Variants in ZNF385D observed in about 807,000 individuals in gnomAD.
ZNF385D encodes zinc finger protein 385D.
In ZNF385D, 15 loss-of-function variants were observed where a neutral mutation model predicts 35.8. The observed-to-expected ratio is 0.42, with a 90% CI of 0.28 to 0.64. The LOEUF (loss-of-function observed/expected upper bound fraction) is 0.64. ZNF385D is among the 30% of genes least tolerant of loss of function. The pLI is 0.23. For missense variants in ZNF385D, 474 were observed against 494.6 expected (o/e 0.96, Z 0.39); for synonymous variants, 212 against 186.8 (o/e 1.13, Z -1.10).
At chr3:21,509,016 C>T (rs560137457) in intron 4 of ZNF385D, among the ~76,000 whole-genome samples, 1 of 146,826 alleles carries the variant, frequency 6.8e-6, no homozygotes, top group African/African-American at 2.5e-5. Flanking sequence ...CTCGCTCTAT[C>T]GCCCAGGCTG....
Position 22,230,277 on chromosome 3 carries a change from T to G in ZNF385D, c.107-61242A>C, listed in dbSNP as rs527370611. 2.0e-5 allele frequency among the ~76,000 whole-genome samples: 3 copies of G among 152,308 alleles called. No homozygotes were observed. The East Asian group carries it at 5.8e-4, about 29-fold the overall frequency. On this transcript the variant is annotated intron_variant, in intron 2 of 5. Transcript: ENST00000494108. ...ATTCTGTATAATGATATTTTACAAT[T>G]GGATTTATCCTATAAAAAAAGAAGG...
chr3:21,667,702 GTCC>G (rs2066448846), intron 1 of ZNF385D, among the ~76,000 whole-genome samples: 1 of 152,170 alleles, frequency 6.6e-6, no homozygotes, highest in African/African-American at 2.4e-5. Flanking sequence ...TTTATTTTAA[GTCC>G]TCCTCTGGTT....
chr3:22,162,006 A>C (rs11129048), intron 3 of ZNF385D, among the ~76,000 whole-genome samples: 86,809 of 151,918 alleles, frequency 0.57, 24,908 homozygotes, highest in Non-Finnish European at 0.59. Flanking sequence ...AGAGGTAATA[A>C]GACTTTGTAA....
At chr3:21,935,688 T>C (rs1455403781) in intron 3 of ZNF385D, among the ~76,000 whole-genome samples, 2 of 152,106 alleles carry the variant, frequency 1.3e-5, no homozygotes, top group Non-Finnish European at 2.9e-5. Context: ...GAAGACTATA[T>C]AGGCAGACTC....
intron 3 of ZNF385D, among the ~76,000 whole-genome samples, chr3:21,558,148 T>C (rs888748814): frequency 2.6e-5 from 4 of 151,040 alleles, no homozygotes; most frequent in African/African-American, 7.3e-5. Context: ...TTCATGTCTC[T>C]ATCTCCTTCA....
At chr3:22,101,287 T>C (rs1162649685) in intron 3 of ZNF385D, among the ~76,000 whole-genome samples, 1 of 152,044 alleles carries the variant, frequency 6.6e-6, no homozygotes, top group African/African-American at 2.4e-5. Context: ...TAAAGGGCTA[T>C]AAGTAAATAT....
intron 3 of ZNF385D, among the ~76,000 whole-genome samples, chr3:21,766,632 A>C (rs945879431): frequency 2.6e-5 from 4 of 152,162 alleles, no homozygotes; most frequent in Non-Finnish European, 5.9e-5. Flanking sequence ...CCAGTATTCA[A>C]GGCCCACTAT....
chr3:22,163,987 C>G (rs1025932720), intron 3 of ZNF385D, among the ~76,000 whole-genome samples: 6 of 152,060 alleles, frequency 3.9e-5, no homozygotes, highest in Non-Finnish European at 8.8e-5. Flanking sequence ...AACAAATGAC[C>G]ACTAATAACT....
chr3:22,219,492 A>C (rs1354287910), intron 2 of ZNF385D, among the ~76,000 whole-genome samples: 1 of 152,152 alleles, frequency 6.6e-6, no homozygotes, highest in Non-Finnish European at 1.5e-5. Flanking sequence ...TCATGCTAGA[A>C]TTTAATAAAG....
intron 3 of ZNF385D, among the ~76,000 whole-genome samples, chr3:21,817,207 G>A (rs559772686): frequency 6.6e-6 from 1 of 152,150 alleles, no homozygotes; most frequent in Non-Finnish European, 1.5e-5. Context: ...AGACTTAAAT[G>A]TTAGATGTAA....
intron 3 of ZNF385D, among the ~76,000 whole-genome samples, chr3:21,801,596 C>T (rs906477109): frequency 2.0e-5 from 3 of 152,264 alleles, no homozygotes; most frequent in South Asian, 4.1e-4. Flanking sequence ...AAAACGTTCA[C>T]ATTCTTAATC....
At chr3:21,446,486 A>G (rs1372433494) in intron 4 of ZNF385D, among the ~76,000 whole-genome samples, 1 of 78,628 alleles carries the variant, frequency 1.3e-5, no homozygotes, top group Non-Finnish European at 2.5e-5. Flanking sequence ...TAATCAATGA[A>G]CTTTTTTTTT....
intron 3 of ZNF385D, among the ~76,000 whole-genome samples, chr3:22,158,115 T>C (rs995392618): frequency 2.0e-5 from 3 of 152,164 alleles, no homozygotes; most frequent in African/African-American, 7.2e-5. Flanking sequence ...TCTCCTATCC[T>C]TGATCTCATC....
At chr3:21,541,535 G>C (rs955567365) in intron 3 of ZNF385D, among the ~76,000 whole-genome samples, 3 of 152,078 alleles carry the variant, frequency 2.0e-5, no homozygotes, top group African/African-American at 7.2e-5. Context: ...GGAAGGATAC[G>C]AATGGCCACA....
intron 3 of ZNF385D, among the ~76,000 whole-genome samples, chr3:21,767,712 T>C (rs1174341868): frequency 5.3e-5 from 8 of 151,628 alleles, no homozygotes; most frequent in Non-Finnish European, 7.4e-5. Context: ...GTAGAGAGGA[T>C]TGAGAGAGAA....
At position 22,123,974 on chromosome 3, in the gene ZNF385D, A is replaced by C. The variant is rs1447967654; in HGVS notation, c.325+44843T>G. 6.1e-3 allele frequency among the ~76,000 whole-genome samples: 839 copies of C among 137,924 alleles called. 11 individuals are homozygous for C. Among genetic ancestry groups the C allele is most frequent in the Admixed American group, 0.034 (458 of 13,338 alleles). 90.5% of individuals were successfully genotyped at this position (137,924 alleles called of 152,430 possible). A position where few individuals can be genotyped will look rare whatever the true frequency, so the allele number is the denominator to read the frequency against. On this transcript the variant is annotated intron_variant, in intron 3 of 5. Transcript: ENST00000494108. ...TCTCTCTCTCTCTCTATATATATAT[A>C]TATATATATATATATTGCTGACTGA...
At chr3:21,620,368 C>T (rs182702600) in intron 2 of ZNF385D, among the ~76,000 whole-genome samples, 38 of 152,182 alleles carry the variant, frequency 2.5e-4, no homozygotes, top group African/African-American at 7.7e-4. Context: ...TCTTCCTCTG[C>T]CCCCATCTCC....
intron 1 of ZNF385D, among the ~76,000 whole-genome samples, chr3:21,733,244 T>C (rs1222580325): frequency 6.6e-6 from 1 of 152,204 alleles, no homozygotes; most frequent in African/African-American, 2.4e-5. Flanking sequence ...TATTGACCTA[T>C]TGTTTATTCT....
intron 3 of ZNF385D, among the ~76,000 whole-genome samples, chr3:21,829,095 G>C (rs1694832111): frequency 6.6e-6 from 1 of 152,206 alleles, no homozygotes; most frequent in African/African-American, 2.4e-5. Context: ...GCAAGGATTA[G>C]AATGTTGACA....
Sources: allele counts gnomAD v4.1 joint callset (sites outside exome capture counted in the v4.1 genomes callset), GRCh38; gene constraint gnomAD v4.1.1; transcripts MANE v1.5; gene names NCBI Gene and HGNC (gene_info 2026-07-23, HGNC 2026-07-21).